Variants in ARHGAP10 observed in about 807,000 individuals in gnomAD.
ARHGAP10 encodes rho GTPase-activating protein 10.
A neutral mutation model predicts 108.6 loss-of-function variants in ARHGAP10; 87 were observed. The ratio of observed to expected loss-of-function variants is 0.80; its 90% CI spans 0.67 to 0.96. The LOEUF is 0.96. Among genes scored for constraint, ARHGAP10 ranks in the 40% least tolerant of loss-of-function variants. The pLI is 0.00. For missense variants in ARHGAP10, 939 were observed against 954.5 expected (o/e 0.98, Z 0.21); for synonymous variants, 347 against 341.1 (o/e 1.02, Z -0.19).
chr4:147,976,792 A>G (rs1739612426), intron 18 of ARHGAP10, among the ~76,000 whole-genome samples: 1 of 152,136 alleles, frequency 6.6e-6, no homozygotes, highest in Non-Finnish European at 1.5e-5. Flanking sequence ...GATAAGAGCA[A>G]ATTTAGGAGA....
In ARHGAP10 at chr4:147,859,374, G is replaced by A. The variant is rs749623165; in HGVS notation, c.486+1720G>A. On this transcript the variant is annotated intron_variant, in intron 5 of 22. Coordinates refer to ENST00000336498, the MANE Select transcript of ARHGAP10 (RefSeq NM_024605.4). ...TGCAACCTCCACCTGCCGGATTCAAGCGATTTTCCTGCCTCTGTCTCCTGT... is the reference window on the plus strand; with the variant it reads ...TGCAACCTCCACCTGCCGGATTCAAACGATTTTCCTGCCTCTGTCTCCTGT... 4.6e-5 allele frequency among the ~76,000 whole-genome samples: 7 copies of A among 150,874 alleles called. No homozygotes were observed. The East Asian group carries it at 1.4e-3, about 30-fold the overall frequency.
In ARHGAP10 at chr4:147,981,705, A is replaced by G. The variant is rs115939577; in HGVS notation, c.1716+14866A>G. ...GCTGTCAAAGTATTCTCTTAGGTCT[A>G]GAAGTAATTGTTTTATAAATCTGGG... On this transcript the variant is annotated intron_variant, in intron 18 of 22. Coordinates refer to ENST00000336498, the MANE Select transcript of ARHGAP10 (RefSeq NM_024605.4). Among the ~76,000 whole-genome samples the G allele has an allele frequency of 5.4e-3, 816 of 152,362 alleles. 4 individuals carry two copies. The highest frequency in any genetic ancestry group is 0.024 in the Middle Eastern group (7 of 294).
chr4:147,887,784 C>T (rs1168524009), intron 10 of ARHGAP10, among the ~76,000 whole-genome samples: 1 of 151,838 alleles, frequency 6.6e-6, no homozygotes, highest in Non-Finnish European at 1.5e-5. Flanking sequence ...ATTTTTTGAA[C>T]CTGGGAGGCG....
intron 18 of ARHGAP10, among the ~76,000 whole-genome samples, chr4:147,990,885 G>A (rs908250737): frequency 2.6e-5 from 4 of 151,994 alleles, no homozygotes; most frequent in African/African-American, 9.7e-5. Flanking sequence ...GTGTTGTGGT[G>A]CATACCTGTG....
intron 19 of ARHGAP10, among the ~76,000 whole-genome samples, 171 bp downstream of exon 19, chr4:148,023,584 C>G (rs866862585): frequency 5.9e-5 from 9 of 152,222 alleles, no homozygotes; most frequent in Middle Eastern, 6.8e-3. Flanking sequence ...AGGGAGAAAA[C>G]GCAAGTTTCG....
intron 22 of ARHGAP10, among the ~76,000 whole-genome samples, chr4:148,068,819 T>C (rs1252101605): frequency 6.6e-6 from 1 of 152,178 alleles, no homozygotes; most frequent in Non-Finnish European, 1.5e-5. Flanking sequence ...ACTTGTCACA[T>C]ACACTGTCTA....
At chr4:147,732,814 G>T (rs1728275987) in intron 1 of ARHGAP10, among the ~76,000 whole-genome samples, 1 of 152,184 alleles carries the variant, frequency 6.6e-6, no homozygotes, top group South Asian at 2.1e-4. Context: ...GCTGCCTAAA[G>T]CTACTCACAA....
intron 3 of ARHGAP10, among the ~76,000 whole-genome samples, chr4:147,832,585 T>A (rs1045259821): frequency 2.3e-5 from 3 of 129,938 alleles, no homozygotes; most frequent in Admixed American, 9.9e-5. Flanking sequence ...AGGCGGAGGT[T>A]ACAATGAGCT....
At chr4:147,803,112 G>T (rs1027143754) in intron 1 of ARHGAP10, among the ~76,000 whole-genome samples, 1 of 151,924 alleles carries the variant, frequency 6.6e-6, no homozygotes, top group African/African-American at 2.4e-5. Context: ...GGGTTCAAGC[G>T]ATGCTCATGC....
chr4:147,842,960 T>C (rs955921411), intron 3 of ARHGAP10, among the ~76,000 whole-genome samples: 8 of 152,234 alleles, frequency 5.3e-5, no homozygotes, highest in African/African-American at 1.9e-4. Flanking sequence ...TTTGTAATGA[T>C]TCTTTCATTC....
At chr4:147,819,393 G>A (rs530525884) in intron 1 of ARHGAP10, among the ~76,000 whole-genome samples, 7 of 152,132 alleles carry the variant, frequency 4.6e-5, no homozygotes, top group East Asian at 1.9e-4. Flanking sequence ...ATCCTGTTGC[G>A]ATCTGGCAAA....
At chr4:147,766,142 T>C (rs1324116076) in intron 1 of ARHGAP10, among the ~76,000 whole-genome samples, 1 of 151,770 alleles carries the variant, frequency 6.6e-6, no homozygotes, top group African/African-American at 2.4e-5. Flanking sequence ...ATAAATAAAT[T>C]AGCCAGGTGT....
chr4:148,010,553 T>C (rs185568047), intron 18 of ARHGAP10, among the ~76,000 whole-genome samples: 4 of 152,322 alleles, frequency 2.6e-5, no homozygotes, highest in Non-Finnish European at 5.9e-5. Flanking sequence ...AATTCTATTA[T>C]TGCTATTTTT....
At chr4:147,886,990 CAA>C (rs1272162759) in intron 10 of ARHGAP10, among the ~76,000 whole-genome samples, 4 of 152,140 alleles carry the variant, frequency 2.6e-5, no homozygotes, top group Non-Finnish European at 5.9e-5. Flanking sequence ...CTCCTGAACT[CAA>C]GAGATCCACC....
chr4:147,882,732 T>C (rs1380264837), intron 10 of ARHGAP10, among the ~76,000 whole-genome samples: 3 of 152,160 alleles, frequency 2.0e-5, no homozygotes, highest in African/African-American at 7.2e-5. Context: ...AGTTATTTAG[T>C]TGTAAAAGAA....
At chr4:147,898,458 A>ATT (rs530483187) in intron 10 of ARHGAP10, among the ~76,000 whole-genome samples, 2 of 140,272 alleles carry the variant, frequency 1.4e-5, no homozygotes, top group Non-Finnish European at 3.1e-5. Flanking sequence ...AATTTTTATG[A>ATT]TTTTTTTTTT....
chr4:147,910,886 T>C (rs1401874297), intron 12 of ARHGAP10, among the ~76,000 whole-genome samples: 2 of 152,166 alleles, frequency 1.3e-5, no homozygotes, highest in African/African-American at 4.8e-5. Flanking sequence ...GCACTGGTGA[T>C]GGACAGGATG....
intron 1 of ARHGAP10, among the ~76,000 whole-genome samples, chr4:147,805,731 C>G (rs547464862): frequency 2.6e-5 from 4 of 152,188 alleles, no homozygotes; most frequent in Non-Finnish European, 4.4e-5. Flanking sequence ...AGGAGGATCA[C>G]TTGAGATCAG....
At chr4:147,760,816 C>G (rs1263111828) in intron 1 of ARHGAP10, among the ~76,000 whole-genome samples, 1 of 152,106 alleles carries the variant, frequency 6.6e-6, no homozygotes, top group Non-Finnish European at 1.5e-5. Context: ...GATAGGAAAA[C>G]TGCTCTGCTG....
Sources: allele counts gnomAD v4.1 joint callset (sites outside exome capture counted in the v4.1 genomes callset), GRCh38; gene constraint gnomAD v4.1.1; transcripts MANE v1.5; gene names NCBI Gene and HGNC (gene_info 2026-07-23, HGNC 2026-07-21).